SLC5A4: variants seen among roughly 807,000 people sequenced by gnomAD.
The protein encoded by SLC5A4 is probable glucose sensor protein SLC5A4.
In SLC5A4, 55 loss-of-function variants were observed where a neutral mutation model predicts 70.3. That is an observed-to-expected ratio of 0.78 (90% CI 0.63 to 0.98). The LOEUF is 0.98. Ranked by LOEUF, SLC5A4 falls within the 50% of genes least tolerant of loss-of-function variation. SLC5A4 has a pLI of 0.00. For synonymous variants in SLC5A4, 268 were observed against 305.7 expected (o/e 0.88, Z 1.29); for missense variants, 735 against 839.2 (o/e 0.88, Z 1.53).
chr22:32,311,593 C>T, the SLC5A4 span, among the ~76,000 whole-genome samples: 1 of 152,154 alleles, frequency 6.6e-6, no homozygotes, highest in Admixed American at 6.5e-5. Flanking sequence ...TTTCTAGAAC[C>T]CTCCTCTCTG....
the SLC5A4 span, among the ~76,000 whole-genome samples, chr22:32,293,311 T>C: frequency 6.6e-6 from 1 of 152,196 alleles, no homozygotes. Flanking sequence ...TGGTTTTAAA[T>C]GTTTTAATGA....
chr22:32,328,001 C>G, the SLC5A4 span, among the ~76,000 whole-genome samples: 32,537 of 151,678 alleles, frequency 0.21, 3,646 homozygotes, highest in Admixed American at 0.26. Flanking sequence ...GACCTTGGAC[C>G]AGGTCCCCAA....
chr22:32,318,190 T>C, the SLC5A4 span, among the ~76,000 whole-genome samples: 10 of 151,996 alleles, frequency 6.6e-5, no homozygotes, highest in Non-Finnish European at 1.5e-4. Flanking sequence ...TACTCACTCA[T>C]GGACCTCATC....
chr22:32,223,556 C>T (rs565846698), intron 13 of SLC5A4, among the ~76,000 whole-genome samples: 3 of 151,972 alleles, frequency 2.0e-5, no homozygotes, highest in East Asian at 3.9e-4. Context: ...CATGTACTTT[C>T]CCCCCATCTC....
the SLC5A4 span, chr22:32,269,301 T>C: frequency 4.2e-5 from 12 of 285,056 alleles, no homozygotes; most frequent in Non-Finnish European, 8.2e-5. This position sits in a 1 kb window ranked among gnomAD's most constrained non-coding sequence, Gnocchi z 4.1. Flanking sequence ...CTTCTCAAGC[T>C]TGTTTATATT....
At chr22:32,275,015 C>T in the SLC5A4 span, among the ~76,000 whole-genome samples, 1 of 152,182 alleles carries the variant, frequency 6.6e-6, no homozygotes, top group Admixed American at 6.5e-5. Context: ...CATTAACTCA[C>T]TTGTTTGATT....
chr22:32,331,026 T>C, the SLC5A4 span, among the ~76,000 whole-genome samples: 1 of 137,488 alleles, frequency 7.3e-6, no homozygotes, highest in African/African-American at 2.7e-5. Flanking sequence ...GGTGTGTGTG[T>C]GTGTTGGAGG....
At chr22:32,298,406 T>C in the SLC5A4 span, among the ~76,000 whole-genome samples, 23 of 142,524 alleles carry the variant, frequency 1.6e-4, no homozygotes, top group Non-Finnish European at 2.4e-4. Flanking sequence ...TACCATTATG[T>C]AATGGCCTTC....
At chr22:32,242,452 G>A (rs1242098716) in intron 5 of SLC5A4, among the ~76,000 whole-genome samples, 1 of 152,190 alleles carries the variant, frequency 6.6e-6, no homozygotes, top group East Asian at 1.9e-4. Flanking sequence ...GCTCATGCCT[G>A]TAATCCCAGC....
the SLC5A4 span, among the ~76,000 whole-genome samples, chr22:32,321,912 A>G: frequency 6.6e-6 from 1 of 152,234 alleles, no homozygotes; most frequent in African/African-American, 2.4e-5. Flanking sequence ...CTTGCACATA[A>G]AACGTTGGGT....
At chr22:32,274,999 C>T in the SLC5A4 span, among the ~76,000 whole-genome samples, 1 of 152,226 alleles carries the variant, frequency 6.6e-6, no homozygotes, top group Non-Finnish European at 1.5e-5. Context: ...ATACAATTCA[C>T]AACTTCATTA....
At chr22:32,306,293 A>G in the SLC5A4 span, among the ~76,000 whole-genome samples, 95,565 of 151,032 alleles carry the variant, frequency 0.63, 30,330 homozygotes, top group East Asian at 0.7. Context: ...GTGAAACCCT[A>G]TCTCTACTAA....
chr22:32,269,201 T>A, the SLC5A4 span, among the ~76,000 whole-genome samples: 1 of 152,226 alleles, frequency 6.6e-6, no homozygotes, highest in African/African-American at 2.4e-5. The surrounding 1 kb of genome is among the most constrained non-coding windows in gnomAD (Gnocchi z 4.1). Flanking sequence ...GCATGTTTTT[T>A]ATTACTTTTT....
the SLC5A4 span, among the ~76,000 whole-genome samples, chr22:32,311,157 G>T: frequency 2.0e-5 from 3 of 152,144 alleles, no homozygotes; most frequent in Admixed American, 1.3e-4. Flanking sequence ...TCACTCACTT[G>T]TCCCTCGAAC....
chr22:32,260,442 G>A, the SLC5A4 span, among the ~76,000 whole-genome samples: 1 of 151,690 alleles, frequency 6.6e-6, no homozygotes, highest in Admixed American at 6.6e-5. Context: ...GAGAAACGGT[G>A]GAGGAGTGCT....
intron 9 of SLC5A4, among the ~76,000 whole-genome samples, chr22:32,231,350 G>A (rs878970491): frequency 6.6e-6 from 1 of 152,208 alleles, no homozygotes; most frequent in Admixed American, 6.5e-5. Context: ...GAGAGGGAGT[G>A]GACCCCATCC....
the SLC5A4 span, among the ~76,000 whole-genome samples, chr22:32,280,965 C>T: frequency 3.9e-5 from 6 of 152,190 alleles, no homozygotes; most frequent in African/African-American, 1.4e-4. Flanking sequence ...TTCTTCTGAG[C>T]CCCAGTCTCT....
intron 5 of SLC5A4, among the ~76,000 whole-genome samples, chr22:32,245,330 ACT>A (rs1926757357): frequency 6.6e-6 from 1 of 151,996 alleles, no homozygotes; most frequent in Non-Finnish European, 1.5e-5. Flanking sequence ...CCAGCCACAG[ACT>A]CTGCACAGCC....
the SLC5A4 span, among the ~76,000 whole-genome samples, chr22:32,316,934 C>CTGTGTGTGTGTGTGTGTGTGTGTGTG: frequency 4.8e-4 from 72 of 148,724 alleles, no homozygotes; most frequent in African/African-American, 1.7e-3. Context: ...ATTAACAACT[C>CTGTGTGTGTGTGTGTGTGTGTGTGTG]TGTGTGTGTG....
Sources: allele counts gnomAD v4.1 joint callset (sites outside exome capture counted in the v4.1 genomes callset), GRCh38; gene constraint gnomAD v4.1.1; non-coding constraint Gnocchi (gnomAD v3.1); transcripts MANE v1.5; gene names NCBI Gene and HGNC (gene_info 2026-07-23, HGNC 2026-07-21).